The following SPTBN5 variants were observed in gnomAD, a reference collection of about 807,000 sequenced individuals.
SPTBN5 encodes the protein spectrin beta chain, non-erythrocytic 5.
A neutral mutation model predicts 477.6 loss-of-function variants in SPTBN5; 513 were observed. The ratio of observed to expected loss-of-function variants is 1.07; its 90% CI spans 1.00 to 1.16. The LOEUF is 1.16. Among genes scored for constraint, SPTBN5 ranks in the 50% most tolerant of loss-of-function variants. The probability of loss-of-function intolerance (pLI) is 0.00; values close to 1 mark genes in which losing one functional copy is unlikely to be tolerated. For synonymous variants in SPTBN5, 2,169 were observed against 2,011.7 expected (o/e 1.08, Z -2.09); for missense variants, 5,062 against 4,731.8 (o/e 1.07, Z -2.05).
At chr15:41,862,412 T>C in intron 43 of SPTBN5, 120 bp from the exon 44 acceptor site, 1 of 1,518,946 alleles carries the variant, frequency 6.6e-7, no homozygotes, top group Non-Finnish European at 8.8e-7. Flanking sequence ...TGGGAGTTAC[T>C]GGGAGGACAG....
At chr15:41,880,922 G>A in intron 13 of SPTBN5, 112 bp downstream of exon 13, 1 of 924,430 alleles carries the variant, frequency 1.1e-6, no homozygotes, top group Non-Finnish European at 1.6e-6. Flanking sequence ...CATGATAAAA[G>A]CTCCTTGAGG....
At chr15:41,871,568 G>A (rs1049170722) in intron 28 of SPTBN5, 48 bp from the exon 29 acceptor site, 43 of 1,415,142 alleles carry the variant, frequency 3.0e-5, no homozygotes, top group Non-Finnish European at 3.3e-5. Flanking sequence ...CTGGTTAGGC[G>A]TCAAGCAGCC....
At chr15:41,866,885 T>TG in intron 36 of SPTBN5, 74 bp downstream of exon 36, 2 of 1,467,618 alleles carry the variant, frequency 1.4e-6, no homozygotes, top group African/African-American at 2.8e-5. Flanking sequence ...CTCACAGTGT[T>TG]GCGGTGTGAA....
In SPTBN5 at chr15:41,855,234, T is replaced by C. The variant is rs1202492098; in HGVS notation, c.9413A>G (p.Glu3138Gly). Reference protein sequence around the residue: ...AESQDYGQDLEGVKVLEEKFD... With the variant: ...AESQDYGQDLGGVKVLEEKFD... ...TCAGGAGTAACTCACCTTGACACCC[T>C]CCAGGTCCTGCCCGTAGTCCTGGGA... Residue 3138 changes from glutamate to glycine, a missense_variant, in exon 55 of 68, where the codon GAG becomes GGG. Transcript: ENST00000320955. The C allele has an allele frequency of 6.2e-7, 1 of 1,611,588 alleles. No individual in the cohort carries two copies. The highest frequency in any genetic ancestry group is 1.1e-5 in the South Asian group (1 of 90,882).
chr15:41,892,037 G>C (rs749916812), intron 3 of SPTBN5, among the ~76,000 whole-genome samples: 2 of 152,182 alleles, frequency 1.3e-5, no homozygotes, highest in African/African-American at 2.4e-5. Flanking sequence ...GCATTCTGCA[G>C]CTGGCAGCGT....
At chr15:41,852,407 C>A in intron 61 of SPTBN5, 91 bp from the exon 62 acceptor site, 1 of 1,472,980 alleles carries the variant, frequency 6.8e-7, no homozygotes, top group Non-Finnish European at 9.1e-7. Flanking sequence ...CCCCAGCCCT[C>A]CCGGTCAGAG....
rs758458365 is a variant in SPTBN5, at chr15:41,866,363, ACCT to A, written c.6608_6610del (p.Glu2203del). ...TGTTACCTTGGCAACAGAGGTCATG[ACCT>A]CCTCATGGGCCTGGACTTCAGCCTC... On this transcript the variant is annotated inframe_deletion, in exon 37 of 68. Coordinates refer to ENST00000320955, the MANE Select transcript of SPTBN5 (RefSeq NM_016642.4). The A allele has an allele frequency of 3.5e-5, 56 of 1,603,734 alleles. No homozygotes were observed. The highest frequency in any genetic ancestry group is 4.8e-5 in the Non-Finnish European group (56 of 1,174,992).
intron 4 of SPTBN5, 60 bp downstream of exon 4, chr15:41,890,029 G>C: frequency 9.1e-7 from 1 of 1,098,300 alleles, no homozygotes; most frequent in Non-Finnish European, 1.4e-6. Context: ...CCAGGGGTCT[G>C]AGGTGAGGCC....
At chr15:41,857,842 CT>C in intron 49 of SPTBN5, 132 bp from the exon 50 acceptor site, 1 of 1,098,272 alleles carries the variant, frequency 9.1e-7, no homozygotes, top group Non-Finnish European at 1.3e-6. Context: ...GAGCAACTTT[CT>C]TTACCTAAGC....
rs2067043391 is a variant in SPTBN5 at position 41,883,410 on chromosome 15, G to A, written c.1597C>T (p.Gln533Ter). The change falls in exon 8 of 68, where the codon CAG becomes TAG. Residue 533 changes from glutamine to a stop codon, truncating the protein, a stop_gained. Coordinates refer to ENST00000320955, the MANE Select transcript of SPTBN5 (RefSeq NM_016642.4). LOFTEE classifies it high-confidence loss of function. Reference protein sequence around the residue: ...QGQRKQVADMQAVLSLLQEVE... With the variant: ...QGQRKQVADM ...TCCTGCAGCAGGCTCAGCACAGCCT[G>A]CATGTCTGCCACCTGCTTCCTCTGT... 1 of 1,613,804 alleles carries A rather than the reference G, an allele frequency of 6.2e-7. No homozygotes were observed. Among genetic ancestry groups the A allele is most frequent in the South Asian group, 1.1e-5 (1 of 91,092 alleles).
intron 47 of SPTBN5, 95 bp downstream of exon 47, chr15:41,860,491 G>T: frequency 7.8e-7 from 1 of 1,282,282 alleles, no homozygotes. Flanking sequence ...GGTGAGCCTG[G>T]GCCAAGTAGT....
chr15:41,856,639 C>G (rs1004726395), intron 52 of SPTBN5, 41 bp from the exon 53 acceptor site: 1 of 1,509,314 alleles, frequency 6.6e-7, no homozygotes, highest in Non-Finnish European at 8.9e-7. Context: ...GTTGCTGACC[C>G]TTGGGGGACT....
chr15:41,867,530 T>G lies in SPTBN5; in HGVS notation c.6312+8A>C. ...TCTGACCACGCCCAGGCCTCCTGAC[T>G]CCATTACCTTCTTGTCCTGGGCAGT... is the stretch of plus-strand genomic sequence containing the variant. On this transcript the variant is annotated splice_region_variant and intron_variant, in intron 35 of 67. Coordinates refer to ENST00000320955, the MANE Select transcript of SPTBN5 (RefSeq NM_016642.4). The G allele has an allele frequency of 6.2e-7, 1 of 1,613,318 alleles. No homozygotes were observed. The highest frequency in any genetic ancestry group is 8.5e-7 in the Non-Finnish European group (1 of 1,179,482).
intron 47 of SPTBN5, 69 bp from the exon 48 acceptor site, chr15:41,859,049 G>T: frequency 8.1e-7 from 1 of 1,240,646 alleles, no homozygotes. Flanking sequence ...GTCCAGCCTA[G>T]GCTTTCTCGG....
At chr15:41,850,643 C>T (rs2065721456) in intron 66 of SPTBN5, 1 of 575,618 alleles carries the variant, frequency 1.7e-6, no homozygotes, top group Admixed American at 3.1e-5. Context: ...CAAAACTGGC[C>T]CCATCTCTGC....
chr15:41,853,629 C>A lies in SPTBN5; in HGVS notation c.9933G>T (p.Ala3311=). 1 of 1,593,016 alleles carries A rather than the reference C, an allele frequency of 6.3e-7. No homozygotes were observed. ...GGAAGGCATGGCCCTGTGCAGCCTG[C>A]GCCAGCCACTGGCCTCGCTCCTGGG... is the stretch of plus-strand genomic sequence containing the variant. ...AKAQERGQWL[A]QAAQGHAFLG... The change falls in exon 58 of 68, where the codon GCG becomes GCT. Residue 3311 remains alanine (A), a synonymous_variant. Coordinates refer to ENST00000320955, the MANE Select transcript of SPTBN5 (RefSeq NM_016642.4).
chr15:41,877,332 G>C lies in SPTBN5; in HGVS notation c.3495C>G (p.Ser1165Arg). The C allele has an allele frequency of 6.2e-7, 1 of 1,609,392 alleles. No individual in the cohort carries two copies. Among genetic ancestry groups the C allele is most frequent in the Non-Finnish European group, 8.5e-7 (1 of 1,177,764 alleles). Residue 1165 changes from serine (S) to arginine (R), a missense_variant, in exon 18 of 68, where the codon AGC becomes AGG. Transcript: ENST00000320955. ...QERLQQLDAQ[S>R]QPMAALDCPD... ...GGCAGTCCAAGGCTGCCATGGGCTG[G>C]CTCTGAGCGTCCAGCTGCTGCAGCC...
intron 33 of SPTBN5, 26 bp downstream of exon 33, chr15:41,868,372 T>G: frequency 6.3e-7 from 1 of 1,589,664 alleles, no homozygotes; most frequent in Non-Finnish European, 8.6e-7. Context: ...CTAGGGTATG[T>G]GGGGGCACCA....
Position 41,877,374 on chromosome 15 carries a change from C to T in SPTBN5, c.3471-18G>A, listed in dbSNP as rs1489239640. The T allele has an allele frequency of 1.9e-6, 3 of 1,599,852 alleles. No individual in the cohort carries two copies. Among genetic ancestry groups the T allele is most frequent in the African/African-American group, 2.7e-5 (2 of 74,682 alleles). On this transcript the variant is annotated intron_variant, in intron 17 of 67. Coordinates refer to ENST00000320955, the MANE Select transcript of SPTBN5 (RefSeq NM_016642.4). ...GCTGCAGCCTGACCAGGATGACAGG[C>T]AGAGAGTCAAACCCCAGCAGGCTCC...
Sources: allele counts gnomAD v4.1 joint callset (sites outside exome capture counted in the v4.1 genomes callset), GRCh38; gene constraint gnomAD v4.1.1; transcripts MANE v1.5; gene names NCBI Gene and HGNC (gene_info 2026-07-23, HGNC 2026-07-21).